The following STAT4 variants were observed in gnomAD, a reference collection of about 807,000 sequenced individuals.
STAT4 encodes signal transducer and activator of transcription 4.
STAT4 carries 42 observed loss-of-function variants against 110.5 expected under a neutral mutation model. That is an observed-to-expected ratio of 0.38 (90% confidence interval 0.30 to 0.49). The LOEUF (loss-of-function observed/expected upper bound fraction) is 0.49, where lower values mean the gene tolerates loss of function less well. Among genes scored for constraint, STAT4 ranks in the 20% least tolerant of loss-of-function variants. The pLI is 0.95. For missense variants in STAT4, 632 were observed against 887.9 expected, an observed-to-expected ratio of 0.71 and a Z score of 3.66; for synonymous variants, 284 against 302.2, an observed-to-expected ratio of 0.94 and a Z score of 0.63.
rs934092734 is a variant in STAT4 at position 191,082,666 on chromosome 2, C to T, written c.274-6341G>A. On this transcript the variant is annotated intron_variant, in intron 3 of 23. Coordinates refer to ENST00000392320, the MANE Select transcript of STAT4 (RefSeq NM_003151.4). This position sits in a 1 kb window ranked among gnomAD's most constrained non-coding sequence, Gnocchi z 4.7. ...AAATTTCTTGGCTTTCCTTCAAATT[C>T]CCCTTCCACAGCCTTTCTATCTAAT... 2.6e-5 allele frequency among the ~76,000 whole-genome samples: 4 copies of T among 152,196 alleles called. No individual in the cohort carries two copies. The highest frequency in any genetic ancestry group is 4.4e-5 in the Non-Finnish European group (3 of 68,038).
rs1233231564 is a variant in STAT4, at chr2:191,142,990, ATG to A, written c.273+3621_273+3622del. On this transcript the variant is annotated intron_variant, in intron 3 of 23. Transcript: ENST00000392320. The surrounding 1 kb of genome is among the most constrained non-coding windows in gnomAD (Gnocchi z 4.1). ...AGTCTTGAAATGTAAGTTAATAATA[ATG>A]TATCAATATTATTTCGTCAACTGTC... is the stretch of plus-strand genomic sequence containing the variant. Among the ~76,000 whole-genome samples the A allele has an allele frequency of 6.6e-6, 1 of 152,192 alleles. No individual in the cohort carries two copies. The highest frequency in any genetic ancestry group is 1.5e-5 in the Non-Finnish European group (1 of 68,030).
At position 191,150,835 on chromosome 2, in the gene STAT4, A is replaced by G. The variant is rs1267145972; in HGVS notation, c.-2+112T>C. Reference sequence around the variant, plus strand: ...TATAATAAGCCTCCTCAGGAAGGTTAAAATGAAGCAATTGTCAAAACGCCA... The same window carrying G: ...TATAATAAGCCTCCTCAGGAAGGTTGAAATGAAGCAATTGTCAAAACGCCA... On this transcript the variant is annotated intron_variant, in intron 1 of 23. Coordinates refer to ENST00000392320, the MANE Select transcript of STAT4 (RefSeq NM_003151.4). This position sits in a 1 kb window ranked among gnomAD's most constrained non-coding sequence, Gnocchi z 6.4. 1.1e-6 allele frequency: 1 copy of G among 879,764 alleles called. No homozygotes were observed. 54.5% of individuals were successfully genotyped at this position (879,764 alleles called of 1,614,324 possible).
intron 3 of STAT4, among the ~76,000 whole-genome samples, chr2:191,126,586 T>C (rs933953182): frequency 1.1e-4 from 17 of 152,320 alleles, no homozygotes; most frequent in African/African-American, 3.8e-4. Context: ...GTTGTCACAC[T>C]AGAGGCTGTA....
chr2:191,079,883 G>C (rs1005727538), intron 3 of STAT4, among the ~76,000 whole-genome samples: 3 of 152,008 alleles, frequency 2.0e-5, no homozygotes, highest in African/African-American at 4.8e-5. Flanking sequence ...TTTCATGTGA[G>C]CTTGCAACAA....
At chr2:191,121,429 C>T (rs1202913826) in intron 3 of STAT4, among the ~76,000 whole-genome samples, 2 of 152,132 alleles carry the variant, frequency 1.3e-5, no homozygotes, top group Admixed American at 6.5e-5. Context: ...TGGGTATATA[C>T]CCAAAGGATT....
At chr2:191,094,619 C>T (rs1697908219) in intron 3 of STAT4, among the ~76,000 whole-genome samples, 1 of 152,090 alleles carries the variant, frequency 6.6e-6, no homozygotes, top group Admixed American at 6.6e-5. Context: ...ACAACCGGTA[C>T]CAGCCAATGC....
rs71407854 is a variant in STAT4 at position 191,075,837 on chromosome 2, CTTTTTTTTTT to C, written c.372+380_372+389del. On this transcript the variant is annotated intron_variant, in intron 4 of 23. Coordinates refer to ENST00000392320, the MANE Select transcript of STAT4 (RefSeq NM_003151.4). ...TTAAAAATGTCTCCTTTCTTTCTTT[CTTTTTTTTTT>C]TTTTTTTTTGTTTTGTTTTAAAGAC... Among the ~76,000 whole-genome samples the C allele has an allele frequency of 1.4e-4, 17 of 121,488 alleles. No homozygotes were observed. The Admixed American group carries it at 1.5e-3, about 10-fold the overall frequency. The allele number at this position is 121,488 out of a possible 152,430, so 79.7% of individuals were successfully genotyped here.
At chr2:191,145,455 A>G (rs1300392754) in intron 3 of STAT4, among the ~76,000 whole-genome samples, 2 of 152,178 alleles carry the variant, frequency 1.3e-5, no homozygotes, top group East Asian at 3.9e-4. Context: ...TTAGGTTTAT[A>G]GATTAGATCA....
At chr2:191,096,350 C>A (rs1008809682) in intron 3 of STAT4, among the ~76,000 whole-genome samples, 1 of 152,180 alleles carries the variant, frequency 6.6e-6, no homozygotes, top group Non-Finnish European at 1.5e-5. Context: ...TTCTGATGAA[C>A]ATTGATGCGA....
chr2:191,044,393 G>A (rs1335033562), intron 14 of STAT4, among the ~76,000 whole-genome samples: 2 of 152,174 alleles, frequency 1.3e-5, no homozygotes, highest in African/African-American at 4.8e-5. Flanking sequence ...GAATTTGGGG[G>A]AATAATGATT....
intron 15 of STAT4, among the ~76,000 whole-genome samples, chr2:191,040,654 T>C (rs887351666): frequency 2.0e-5 from 3 of 152,138 alleles, no homozygotes; most frequent in African/African-American, 4.8e-5. Context: ...CTCCACCTCC[T>C]GGGCTCAATC....
In STAT4 at chr2:191,069,904, C is replaced by T. The variant is rs181240557; in HGVS notation, c.466-133G>A. On this transcript the variant is annotated intron_variant, in intron 5 of 23. Transcript: ENST00000392320. Reference sequence around the variant, plus strand: ...GCAACCAAAGACCATAATGAACGCACGCTTCTAAAGAGCTAATTCATATAA... The same window carrying T: ...GCAACCAAAGACCATAATGAACGCATGCTTCTAAAGAGCTAATTCATATAA... 7.6e-4 allele frequency: 490 copies of T among 643,484 alleles called. 2 individuals are homozygous for T. Among genetic ancestry groups the T allele is most frequent in the Admixed American group, 3.9e-3 (126 of 32,376 alleles). 39.9% of individuals were successfully genotyped at this position (643,484 alleles called of 1,614,324 possible).
At chr2:191,106,687 TAAAATAAAATAAAAA>T (rs1424922142) in intron 3 of STAT4, among the ~76,000 whole-genome samples, 1 of 135,916 alleles carries the variant, frequency 7.4e-6, no homozygotes, top group Non-Finnish European at 1.6e-5. Flanking sequence ...TAAAATAAAA[TAAAATAAAATAAAAA>T]AATGTACTCA....
rs746642521 is a variant in STAT4 at position 191,061,742 on chromosome 2, T to A, written c.1021A>T (p.Thr341Ser). Residue 341 changes from threonine to serine, a missense_variant, in exon 10 of 24, where the codon ACT becomes TCT. Thr to Ser is a moderately conservative substitution (Grantham distance 58, BLOSUM62 1). Transcript: ENST00000392320. The surrounding 1 kb of genome is among the most constrained non-coding windows in gnomAD (Gnocchi z 6.2). ...GTTTTTGCCTACCTTAGTTTTACAG[T>A]GAACTGAATTAGGGTTTTAAGTACC... is the stretch of plus-strand genomic sequence containing the variant. ...PLVLKTLIQF[T>S]VKLRLLIKLP... 13 of 1,613,960 alleles carry A rather than the reference T, an allele frequency of 8.1e-6. 1 individual carries two copies. The South Asian group carries it at 1.4e-4, about 18-fold the overall frequency.
In STAT4 at chr2:191,058,802, A is replaced by G; in HGVS notation, c.1035-33T>C. 7.2e-7 allele frequency: 1 copy of G among 1,388,478 alleles called. No homozygotes were observed. The highest frequency in any genetic ancestry group is 1.0e-6 in the Non-Finnish European group (1 of 999,346). The allele number at this position is 1,388,478 out of a possible 1,614,324, so 86.0% of individuals were successfully genotyped here. A position where few individuals can be genotyped will look rare whatever the true frequency, so the allele number is the denominator to read the frequency against. On this transcript the variant is annotated intron_variant, in intron 10 of 23. Transcript: ENST00000392320. The surrounding 1 kb of genome is among the most constrained non-coding windows in gnomAD (Gnocchi z 4.3). The stretch of plus-strand genomic sequence containing the variant: ...GAGATATCAATAAAAAAAATCAAAG[A>G]TAAAAATTAAAAGTGTTTAAAAACC...
chr2:191,108,057 T>C (rs890457740), intron 3 of STAT4, among the ~76,000 whole-genome samples: 29 of 151,908 alleles, frequency 1.9e-4, no homozygotes, highest in African/African-American at 7.0e-4. Flanking sequence ...TTGGGAGGCC[T>C]AGGCAGGTGG....
rs1202244709 is a variant in STAT4 at position 191,042,489 on chromosome 2, C to G, written c.1252-1341G>C. On this transcript the variant is annotated intron_variant, in intron 14 of 23. Coordinates refer to ENST00000392320, the MANE Select transcript of STAT4 (RefSeq NM_003151.4). The surrounding 1 kb of genome is among the most constrained non-coding windows in gnomAD (Gnocchi z 4.2). ...TTGAACAAACCAACTGTCAAATGGCCTTTTTTGAGACAATAGAGGAATTTG... is the reference window on the plus strand; with the variant it reads ...TTGAACAAACCAACTGTCAAATGGCGTTTTTTGAGACAATAGAGGAATTTG... 6.6e-6 allele frequency among the ~76,000 whole-genome samples: 1 copy of G among 151,958 alleles called. No homozygotes were observed. Among genetic ancestry groups the G allele is most frequent in the Admixed American group, 6.5e-5 (1 of 15,270 alleles).
intron 3 of STAT4, among the ~76,000 whole-genome samples, chr2:191,092,723 G>A (rs990954687): frequency 6.6e-6 from 1 of 152,170 alleles, no homozygotes; most frequent in South Asian, 2.1e-4. Context: ...CACGGAGGGT[G>A]AGCCAAAGCA....
At chr2:191,134,239 C>A (rs912811697) in intron 3 of STAT4, among the ~76,000 whole-genome samples, 70 of 152,204 alleles carry the variant, frequency 4.6e-4, no homozygotes, top group African/African-American at 1.7e-3. Context: ...ATCAGCATAG[C>A]CTGCATGGGA....
Sources: gnomAD v4.1 joint callset for allele counts (sites outside exome capture counted in the v4.1 genomes callset) on GRCh38, gnomAD v4.1.1 for gene constraint, Gnocchi (gnomAD v3.1) non-coding constraint, MANE v1.5 for transcripts, NCBI Gene and HGNC (gene_info 2026-07-23, HGNC 2026-07-21) for gene names.